HOOK3: variants seen among roughly 807,000 people sequenced by gnomAD.
The protein encoded by HOOK3 is protein Hook homolog 3.
In HOOK3, 24 loss-of-function variants were observed where a neutral mutation model predicts 116.3. The ratio of observed to expected loss-of-function variants is 0.21; its 90% CI spans 0.15 to 0.29. HOOK3 has a LOEUF of 0.29. HOOK3 is among the 10% of genes least tolerant of loss of function. The pLI is 1.00. For missense variants in HOOK3, 632 were observed against 830.2 expected (o/e 0.76, Z 2.93); for synonymous variants, 275 against 283.0 (o/e 0.97, Z 0.28).
chr8:42,897,496 G>C (rs1443984626), intron 1 of HOOK3, among the ~76,000 whole-genome samples: 2 of 152,128 alleles, frequency 1.3e-5, no homozygotes, highest in Non-Finnish European at 2.9e-5. Context: ...ACTGCCCCGC[G>C]TCCAGGACCC....
intron 8 of HOOK3, among the ~76,000 whole-genome samples, chr8:42,963,133 T>C (rs1195172894): frequency 6.6e-6 from 1 of 151,998 alleles, no homozygotes; most frequent in African/African-American, 2.4e-5. Context: ...ATTTTGAGAT[T>C]CATCTATGTT....
At chr8:42,918,985 A>T (rs1807588313) in intron 2 of HOOK3, among the ~76,000 whole-genome samples, 2 of 151,922 alleles carry the variant, frequency 1.3e-5, no homozygotes, top group African/African-American at 4.8e-5. Context: ...CACTTCCCAG[A>T]CGGGGCGGCC....
chr8:42,935,450 C>T (rs375075467), intron 4 of HOOK3, among the ~76,000 whole-genome samples: 1 of 152,220 alleles, frequency 6.6e-6, no homozygotes, highest in East Asian at 1.9e-4. Flanking sequence ...GTGTTTTAGT[C>T]ATGAAGTCTT....
chr8:43,005,791 G>A (rs1809473903), intron 17 of HOOK3, among the ~76,000 whole-genome samples: 2 of 151,512 alleles, frequency 1.3e-5, no homozygotes, highest in East Asian at 3.9e-4. Flanking sequence ...CTGCCTCCCG[G>A]GTTCAAGCAG....
chr8:42,928,735 G>A (rs1192323955), intron 3 of HOOK3, among the ~76,000 whole-genome samples: 1 of 152,034 alleles, frequency 6.6e-6, no homozygotes, highest in African/African-American at 2.4e-5. Context: ...GTTTTATGAT[G>A]CCATTGATTA....
In HOOK3 at chr8:43,021,894, C is replaced by G. The variant is rs1030598927; in HGVS notation, c.*3396C>G. The G allele has an allele frequency of 2.4e-5, 4 of 166,746 alleles. No homozygotes were observed. The highest frequency in any genetic ancestry group is 9.6e-5 in the African/African-American group (4 of 41,686). The allele number at this position is 166,746 out of a possible 1,614,324, so 10.3% of individuals were successfully genotyped here. A position where few individuals can be genotyped will look rare whatever the true frequency, so the allele number is the denominator to read the frequency against. The stretch of plus-strand genomic sequence containing the variant: ...CCATGTTAGCCAGGATGGTCTCGAT[C>G]TCCTGACCTCGTGATCCACCCGCCT... On this transcript the variant is annotated 3_prime_UTR_variant, in exon 22 of 22. Coordinates refer to ENST00000307602, the MANE Select transcript of HOOK3 (RefSeq NM_032410.4).
chr8:42,951,218 G>A (rs1808339210), intron 6 of HOOK3, among the ~76,000 whole-genome samples: 1 of 151,900 alleles, frequency 6.6e-6, no homozygotes. Flanking sequence ...ATGCCACCAC[G>A]CCTGGCTAGT....
intron 4 of HOOK3, among the ~76,000 whole-genome samples, chr8:42,934,216 GATTAT>G (rs906482198): frequency 6.6e-6 from 1 of 151,890 alleles, no homozygotes; most frequent in African/African-American, 2.4e-5. Context: ...TTACTGAGAT[GATTAT>G]ACACCTTCTT....
rs141346291 is a variant in HOOK3 at position 42,943,435 on chromosome 8, A to G, written c.390A>G (p.Glu130=). 55 of 1,465,546 alleles carry G rather than the reference A, an allele frequency of 3.8e-5. No homozygotes were observed. In the African/African-American group the frequency reaches 6.5e-4, roughly 17 times the overall value. 90.8% of individuals were successfully genotyped at this position (1,465,546 alleles called of 1,614,324 possible). A position where few individuals can be genotyped will look rare whatever the true frequency, so the allele number is the denominator to read the frequency against. ...TCTTAGGCTGTGCTGTGAACTGTGA[A>G]CAGAAGCAAGGTAATTTGTTTCAAG... is the stretch of plus-strand genomic sequence containing the variant. ...QLILGCAVNC[E]QKQEYIQAIM... Residue 130 remains glutamate, a synonymous_variant, in exon 5 of 22, where the codon GAA becomes GAG. Coordinates refer to ENST00000307602, the MANE Select transcript of HOOK3 (RefSeq NM_032410.4).
At chr8:43,013,189 G>A (rs1809645568) in intron 20 of HOOK3, 34 bp downstream of exon 20, 1 of 1,495,170 alleles carries the variant, frequency 6.7e-7, no homozygotes, top group Admixed American at 2.0e-5. Context: ...AAATAATTGT[G>A]TTTTGATTTT....
At chr8:42,987,023 A>T (rs1809061188) in intron 15 of HOOK3, among the ~76,000 whole-genome samples, 1 of 152,140 alleles carries the variant, frequency 6.6e-6, no homozygotes, top group Non-Finnish European at 1.5e-5. Flanking sequence ...TTAGCCAGGC[A>T]TGGTGGTGCA....
chr8:42,967,310 G>A (rs1489730055), intron 10 of HOOK3, among the ~76,000 whole-genome samples: 1 of 151,932 alleles, frequency 6.6e-6, no homozygotes, highest in Non-Finnish European at 1.5e-5. Context: ...AGATGACCTT[G>A]TCTCCTATAG....
intron 4 of HOOK3, among the ~76,000 whole-genome samples, chr8:42,939,825 C>A (rs918540687): frequency 6.7e-6 from 1 of 149,830 alleles, no homozygotes; most frequent in African/African-American, 2.5e-5. Context: ...CGGGCAGAGA[C>A]GCTCCTCACA....
At chr8:42,978,173 T>C (rs1043163981) in intron 13 of HOOK3, among the ~76,000 whole-genome samples, 2 of 152,222 alleles carry the variant, frequency 1.3e-5, no homozygotes, top group Non-Finnish European at 2.9e-5. Context: ...AAATGTAATA[T>C]AGAAAAAGTT....
intron 21 of HOOK3, among the ~76,000 whole-genome samples, chr8:43,015,501 C>T (rs574270442): frequency 9.2e-5 from 14 of 152,126 alleles, no homozygotes; most frequent in South Asian, 2.1e-4. Context: ...CCAGCCTTGA[C>T]GACAGAGCGA....
In HOOK3 at chr8:43,013,032, C is replaced by A. The variant is rs1247033919; in HGVS notation, c.1840-19C>A. 2.0e-6 allele frequency: 3 copies of A among 1,492,220 alleles called. No individual in the cohort carries two copies. Among genetic ancestry groups the A allele is most frequent in the East Asian group, 2.3e-5 (1 of 44,020 alleles). The allele number at this position is 1,492,220 out of a possible 1,614,324, so 92.4% of individuals were successfully genotyped here. Reference sequence around the variant, plus strand: ...TAAGTTTGAGACTTTTTAAATTTTTCTTTTATTATTTTTTGCAGGTCATCC... The same window carrying A: ...TAAGTTTGAGACTTTTTAAATTTTTATTTTATTATTTTTTGCAGGTCATCC... On this transcript the variant is annotated intron_variant, in intron 19 of 21. Coordinates refer to ENST00000307602, the MANE Select transcript of HOOK3 (RefSeq NM_032410.4).
chr8:42,974,585 G>A (rs925624830), intron 13 of HOOK3, among the ~76,000 whole-genome samples: 10 of 152,180 alleles, frequency 6.6e-5, no homozygotes, highest in African/African-American at 2.4e-4. Context: ...TGGTTCACTT[G>A]AACATGATTG....
intron 4 of HOOK3, among the ~76,000 whole-genome samples, chr8:42,931,084 C>T (rs1363657507): frequency 6.6e-6 from 1 of 152,208 alleles, no homozygotes; most frequent in Non-Finnish European, 1.5e-5. Context: ...ACTACTTTTC[C>T]CGCACCTAAG....
In HOOK3 at chr8:42,986,728, A is replaced by G. The variant is rs1320896037; in HGVS notation, c.1465A>G (p.Ile489Val). 1 of 1,614,028 alleles carries G rather than the reference A, an allele frequency of 6.2e-7. No individual in the cohort carries two copies. Among genetic ancestry groups the G allele is most frequent in the Non-Finnish European group, 8.5e-7 (1 of 1,179,890 alleles). Residue 489 changes from isoleucine (I) to valine (V), a missense_variant, in exon 15 of 22, where the codon ATA becomes GTA. This residue lies in a region of HOOK3 where 483 missense variants were observed against 648.1 expected (regional missense o/e 0.75). Coordinates refer to ENST00000307602, the MANE Select transcript of HOOK3 (RefSeq NM_032410.4). ...CCAAGAAGGTTCGGACAATGAAAAAATAGCCTTATTGCAGAGCCTTCTAGA... is the reference window on the plus strand; with the variant it reads ...CCAAGAAGGTTCGGACAATGAAAAAGTAGCCTTATTGCAGAGCCTTCTAGA... The part of the protein sequence containing the change: ...LNQEGSDNEK[I>V]ALLQSLLDDA...
Sources: allele counts gnomAD v4.1 joint callset (sites outside exome capture counted in the v4.1 genomes callset), GRCh38; gene constraint gnomAD v4.1.1; regional missense constraint gnomAD v4.1.1; transcripts MANE v1.5; gene names NCBI Gene and HGNC (gene_info 2026-07-23, HGNC 2026-07-21).